Variants in TRAPPC10 observed in about 807,000 individuals in gnomAD.
TRAPPC10 encodes the protein TRAPP 130 kDa subunit.
A neutral mutation model predicts 125.5 loss-of-function variants in TRAPPC10; 23 were observed. The ratio of observed to expected loss-of-function variants is 0.18; its 90% CI spans 0.13 to 0.26. The LOEUF (loss-of-function observed/expected upper bound fraction) is 0.26, where lower values mean the gene tolerates loss of function less well. Ranked by LOEUF, TRAPPC10 falls within the 10% of genes least tolerant of loss-of-function variation. The pLI, the probability that TRAPPC10 is intolerant of heterozygous loss-of-function variation, is 1.00. For synonymous variants in TRAPPC10, 509 were observed against 518.0 expected (o/e 0.98, Z 0.24); for missense variants, 1,123 against 1,308.4 (o/e 0.86, Z 2.19).
At chr21:44,084,415 T>C (rs891814456) in intron 15 of TRAPPC10, 152 bp downstream of exon 15, 1 of 643,874 alleles carries the variant, frequency 1.6e-6, no homozygotes, top group African/African-American at 1.9e-5. Flanking sequence ...GGGAACTAGC[T>C]GACTGCCTCT....
At chr21:44,054,548 C>A (rs1471327117) in intron 4 of TRAPPC10, among the ~76,000 whole-genome samples, 3 of 152,212 alleles carry the variant, frequency 2.0e-5, no homozygotes, top group Non-Finnish European at 4.4e-5. Context: ...ATTTATTAAT[C>A]ATCTTTCTAG....
Position 44,050,796 on chromosome 21 carries a change from T to C in TRAPPC10, c.286-1484T>C, listed in dbSNP as rs200464438. On this transcript the variant is annotated intron_variant, in intron 3 of 22. Coordinates refer to ENST00000291574, the MANE Select transcript of TRAPPC10 (RefSeq NM_003274.5). ...GATTGTATGATATTTGTAATTTAAA[T>C]CAGGACATAGCAGTTTTTAAAATCA... 3.3e-5 allele frequency among the ~76,000 whole-genome samples: 5 copies of C among 152,364 alleles called. No individual in the cohort carries two copies. The East Asian group carries it at 7.7e-4, about 23-fold the overall frequency.
intron 3 of TRAPPC10, 110 bp downstream of exon 3, chr21:44,038,037 G>A (rs2034121125): frequency 5.0e-6 from 7 of 1,407,428 alleles, no homozygotes; most frequent in Middle Eastern, 2.6e-4. Context: ...GGTGGAGTTG[G>A]AGATGCGTGG....
At chr21:44,058,036 C>T (rs1482489422) in intron 5 of TRAPPC10, among the ~76,000 whole-genome samples, 1 of 152,188 alleles carries the variant, frequency 6.6e-6, no homozygotes, top group African/African-American at 2.4e-5. Context: ...GGACAGGTGC[C>T]AGGCCCTCCT....
At chr21:44,018,266 G>T (rs1403727261) in intron 1 of TRAPPC10, among the ~76,000 whole-genome samples, 1 of 152,054 alleles carries the variant, frequency 6.6e-6, no homozygotes, top group Non-Finnish European at 1.5e-5. Context: ...TTAGCCAGGT[G>T]TGGTGGTGTG....
intron 15 of TRAPPC10, 144 bp from the exon 16 acceptor site, chr21:44,086,658 T>A: frequency 1.2e-6 from 1 of 861,044 alleles, no homozygotes; most frequent in Non-Finnish European, 1.8e-6. Context: ...CAGAAGGGAA[T>A]GGAAGTAGAA....
chr21:44,037,684 T>C, intron 2 of TRAPPC10, 108 bp from the exon 3 acceptor site: 1 of 1,260,748 alleles, frequency 7.9e-7, no homozygotes, highest in Non-Finnish European at 1.1e-6. Flanking sequence ...GGTTAATATA[T>C]GTGCTCTGAA....
chr21:44,089,679 G>A, intron 17 of TRAPPC10, 154 bp from the exon 18 acceptor site: 3 of 655,672 alleles, frequency 4.6e-6, no homozygotes, highest in Non-Finnish European at 8.6e-6. Context: ...GTATGTGTTG[G>A]GTAAGGCTTT....
intron 3 of TRAPPC10, among the ~76,000 whole-genome samples, chr21:44,045,546 A>AT (rs936727538): frequency 6.0e-5 from 9 of 150,376 alleles, no homozygotes; most frequent in Non-Finnish European, 1.3e-4. Context: ...GCATTTTAAG[A>AT]TTTTTTCTTT....
chr21:44,063,482 G>A lies in TRAPPC10; in HGVS notation c.791-56G>A. On this transcript the variant is annotated intron_variant, in intron 6 of 22. Coordinates refer to ENST00000291574, the MANE Select transcript of TRAPPC10 (RefSeq NM_003274.5). This position sits in a 1 kb window ranked among gnomAD's most constrained non-coding sequence, Gnocchi z 4.4. ...CCACCATCCTCAGCCTGAGCAGGAA[G>A]CTCAGGAAGGTGAAGTACCTGCAAT... is the stretch of plus-strand genomic sequence containing the variant. The A allele has an allele frequency of 1.3e-6, 2 of 1,589,178 alleles. No homozygotes were observed. The highest frequency in any genetic ancestry group is 2.2e-5 in the East Asian group (1 of 44,662).
chr21:44,084,730 C>G (rs766764418), intron 15 of TRAPPC10, among the ~76,000 whole-genome samples: 1 of 152,328 alleles, frequency 6.6e-6, no homozygotes, highest in East Asian at 1.9e-4. Flanking sequence ...CAGTCCCCCC[C>G]TTCCCATGCC....
intron 15 of TRAPPC10, 61 bp downstream of exon 15, chr21:44,084,324 C>T: frequency 6.6e-7 from 1 of 1,511,754 alleles, no homozygotes; most frequent in African/African-American, 1.4e-5. Context: ...AGGAGACCTG[C>T]TGAGATGCCA....
At chr21:44,077,807 T>A in intron 11 of TRAPPC10, 23 bp downstream of exon 11, 1 of 1,554,078 alleles carries the variant, frequency 6.4e-7, no homozygotes, top group Non-Finnish European at 8.9e-7. Context: ...GTACTTTTCT[T>A]TGAATTCTAA....
chr21:44,086,564 C>T (rs2243348), intron 15 of TRAPPC10, among the ~76,000 whole-genome samples: 49,148 of 152,018 alleles, frequency 0.32, 10,952 homozygotes, highest in African/African-American at 0.63. Flanking sequence ...GGGTATAAGA[C>T]TCCTTGACTC....
At chr21:44,047,165 A>T (rs561770864) in intron 3 of TRAPPC10, 4 of 394,522 alleles carry the variant, frequency 1.0e-5, no homozygotes, top group Middle Eastern at 3.4e-4. Context: ...TATAGTTTTG[A>T]TTTAATTTGG....
intron 2 of TRAPPC10, among the ~76,000 whole-genome samples, chr21:44,036,589 C>T (rs1042899686): frequency 6.6e-6 from 1 of 152,176 alleles, no homozygotes; most frequent in African/African-American, 2.4e-5. Context: ...GAGATAGGTG[C>T]ACTGAAGTGA....
At position 44,063,395 on chromosome 21, in the gene TRAPPC10, A is replaced by T; in HGVS notation, c.791-143A>T. 7.6e-7 allele frequency: 1 copy of T among 1,312,914 alleles called. No individual in the cohort carries two copies. Among genetic ancestry groups the T allele is most frequent in the Admixed American group, 2.1e-5 (1 of 47,596 alleles). The allele number at this position is 1,312,914 out of a possible 1,614,324, so 81.3% of individuals were successfully genotyped here. Reference sequence around the variant, plus strand: ...GTCAGTGCTGGGAGCCGAATGCATCACTAGACCACAGGGGGTGGGCCAGTG... The same window carrying T: ...GTCAGTGCTGGGAGCCGAATGCATCTCTAGACCACAGGGGGTGGGCCAGTG... On this transcript the variant is annotated intron_variant, in intron 6 of 22. Transcript: ENST00000291574. This position sits in a 1 kb window ranked among gnomAD's most constrained non-coding sequence, Gnocchi z 4.4.
chr21:44,064,257 C>A (rs1036165408), intron 7 of TRAPPC10, among the ~76,000 whole-genome samples: 1 of 151,986 alleles, frequency 6.6e-6, no homozygotes, highest in Non-Finnish European at 1.5e-5. Flanking sequence ...CAGGCTGTGC[C>A]CCATTGATTA....
Position 44,059,281 on chromosome 21 carries a change from TGAAG to T in TRAPPC10, c.790+68_790+71del. ...GGCTTTCTCCAACTTCAGATAGGCTTGAAGCAGCCATTTATTTACCTCAGGAGTA... is the reference window on the plus strand; with the variant it reads ...GGCTTTCTCCAACTTCAGATAGGCTTCAGCCATTTATTTACCTCAGGAGTA... On this transcript the variant is annotated intron_variant, in intron 6 of 22. Coordinates refer to ENST00000291574, the MANE Select transcript of TRAPPC10 (RefSeq NM_003274.5). The surrounding 1 kb of genome is among the most constrained non-coding windows in gnomAD (Gnocchi z 4.4). 1 of 1,171,830 alleles carries T rather than the reference TGAAG, an allele frequency of 8.5e-7. No homozygotes were observed. The highest frequency in any genetic ancestry group is 2.3e-5 in the Admixed American group (1 of 43,394). The allele number at this position is 1,171,830 out of a possible 1,614,324, so 72.6% of individuals were successfully genotyped here.
Sources: gnomAD v4.1 joint callset for allele counts (sites outside exome capture counted in the v4.1 genomes callset) on GRCh38, gnomAD v4.1.1 for gene constraint, Gnocchi (gnomAD v3.1) non-coding constraint, MANE v1.5 for transcripts, NCBI Gene and HGNC (gene_info 2026-07-23, HGNC 2026-07-21) for gene names.